SAXO1: variants seen among roughly 807,000 people sequenced by gnomAD.
SAXO1 encodes stabilizer of axonemal microtubules 1.
Under a neutral mutation model 17.5 loss-of-function variants are expected in SAXO1, and 21 were observed. The observed-to-expected ratio is 1.20, with a 90% CI of 0.85 to 1.72. The LOEUF (loss-of-function observed/expected upper bound fraction) is 1.72. SAXO1 is among the 40% of genes most tolerant of loss of function. SAXO1 has a pLI of 0.00. For missense variants in SAXO1, 843 were observed against 596.0 expected, an observed-to-expected ratio of 1.41 and a Z score of -4.32; for synonymous variants, 274 against 216.5, an observed-to-expected ratio of 1.27 and a Z score of -2.33.
chr9:19,026,759 G>A, intron 1 of SAXO1: 1 of 426,610 alleles, frequency 2.3e-6, no homozygotes, highest in Non-Finnish European at 4.4e-6. Context: ...GGCCGGGCGT[G>A]GTAGCTCACA....
At chr9:19,027,976 A>G in intron 1 of SAXO1, 1 of 1,547,114 alleles carries the variant, frequency 6.5e-7, no homozygotes, top group East Asian at 2.3e-5. Context: ...GACCCGCTGC[A>G]CAGATGACTT....
At chr9:19,016,483 G>C (rs774418296) in intron 1 of SAXO1, among the ~76,000 whole-genome samples, 1 of 150,454 alleles carries the variant, frequency 6.6e-6, no homozygotes, top group Non-Finnish European at 1.5e-5. Flanking sequence ...CCCATGGCTT[G>C]AGAATGCCTC....
At chr9:18,937,512 GAATAA>G (rs1164254708) in intron 3 of SAXO1, among the ~76,000 whole-genome samples, 1 of 152,150 alleles carries the variant, frequency 6.6e-6, no homozygotes. Flanking sequence ...TCAATTAATA[GAATAA>G]AAGTATTTGC....
At chr9:18,935,349 A>G (rs1174060207) in intron 3 of SAXO1, among the ~76,000 whole-genome samples, 1 of 152,294 alleles carries the variant, frequency 6.6e-6, no homozygotes, top group South Asian at 2.1e-4. Flanking sequence ...AAACACATAC[A>G]AAGATCAGGC....
chr9:18,951,491 G>T (rs1832038463), intron 1 of SAXO1, among the ~76,000 whole-genome samples: 1 of 152,146 alleles, frequency 6.6e-6, no homozygotes, highest in African/African-American at 2.4e-5. Context: ...CTGACTATGT[G>T]AAACCACTTT....
At chr9:19,040,144 A>G (rs1836043523) in intron 1 of SAXO1, among the ~76,000 whole-genome samples, 1 of 152,230 alleles carries the variant, frequency 6.6e-6, no homozygotes, top group Non-Finnish European at 1.5e-5. Context: ...TGAATGATTT[A>G]TAAGATGCTA....
At chr9:19,020,447 G>T (rs1002471578) in intron 1 of SAXO1, among the ~76,000 whole-genome samples, 15 of 152,026 alleles carry the variant, frequency 9.9e-5, no homozygotes, top group African/African-American at 3.6e-4. Context: ...CGCCTCCAAG[G>T]CTCAAGCCAT....
chr9:18,960,229 G>T (rs1832429688), intron 1 of SAXO1, among the ~76,000 whole-genome samples: 1 of 152,172 alleles, frequency 6.6e-6, no homozygotes, highest in South Asian at 2.1e-4. Context: ...TGGGACGCGT[G>T]GGGTAGGATT....
chr9:18,982,867 G>C (rs1052965637), intron 1 of SAXO1, among the ~76,000 whole-genome samples: 2 of 152,168 alleles, frequency 1.3e-5, no homozygotes, highest in Non-Finnish European at 2.9e-5. Context: ...TACAGTCTTA[G>C]ACTTCAGAGT....
chr9:19,024,168 G>T (rs1026777616), intron 1 of SAXO1, among the ~76,000 whole-genome samples: 1 of 151,566 alleles, frequency 6.6e-6, no homozygotes, highest in East Asian at 1.9e-4. Flanking sequence ...GCAAGCTTCC[G>T]GCACGATCTC....
At chr9:19,045,787 A>C (rs941560225) in intron 1 of SAXO1, among the ~76,000 whole-genome samples, 8 of 152,220 alleles carry the variant, frequency 5.3e-5, no homozygotes, top group Non-Finnish European at 1.0e-4. Flanking sequence ...CAGACAACCA[A>C]TGATCACTGA....
chr9:19,026,306 A>C (rs1015542169), intron 1 of SAXO1, among the ~76,000 whole-genome samples: 1 of 152,202 alleles, frequency 6.6e-6, no homozygotes, highest in African/African-American at 2.4e-5. Context: ...AACACCTAGC[A>C]GTGTCTGATA....
chr9:19,047,906 G>A (rs749171488), intron 1 of SAXO1, among the ~76,000 whole-genome samples: 2 of 152,272 alleles, frequency 1.3e-5, no homozygotes, highest in East Asian at 1.9e-4. Flanking sequence ...AACGGGGAAG[G>A]GAAACCCCAG....
At chr9:18,939,020 G>A (rs1005503758) in intron 3 of SAXO1, among the ~76,000 whole-genome samples, 5 of 151,956 alleles carry the variant, frequency 3.3e-5, no homozygotes, top group Non-Finnish European at 1.5e-5. Context: ...GTGGAAGAGA[G>A]GGAACTGAAC....
intron 1 of SAXO1, among the ~76,000 whole-genome samples, chr9:18,992,947 T>A (rs1016097301): frequency 1.3e-5 from 2 of 151,964 alleles, no homozygotes; most frequent in African/African-American, 4.8e-5. Flanking sequence ...ATTACAAGCA[T>A]GCACCACCAC....
At chr9:18,975,812 C>A (rs1369438932) in intron 1 of SAXO1, among the ~76,000 whole-genome samples, 1 of 152,132 alleles carries the variant, frequency 6.6e-6, no homozygotes, top group African/African-American at 2.4e-5. Flanking sequence ...AAACCCAAGG[C>A]CCAGCAGAAG....
chr9:19,020,182 G>A (rs1835164143), intron 1 of SAXO1, among the ~76,000 whole-genome samples: 1 of 152,066 alleles, frequency 6.6e-6, no homozygotes, highest in African/African-American at 2.4e-5. Context: ...AAACTGTAGT[G>A]AAGTAAAACC....
chr9:18,952,778 T>C (rs534750799), intron 1 of SAXO1, among the ~76,000 whole-genome samples: 2 of 152,366 alleles, frequency 1.3e-5, no homozygotes, highest in African/African-American at 4.8e-5. Flanking sequence ...AATTTCACAG[T>C]GTTAAATACA....
At chr9:18,930,500 C>CTTTTTTTT (rs55974011) in intron 3 of SAXO1, among the ~76,000 whole-genome samples, 2 of 146,360 alleles carry the variant, frequency 1.4e-5, no homozygotes. Context: ...ACTGCTGGAA[C>CTTTTTTTT]TTTTTTTTTT....
Sources: allele counts gnomAD v4.1 joint callset (sites outside exome capture counted in the v4.1 genomes callset), GRCh38; gene constraint gnomAD v4.1.1; transcripts MANE v1.5; gene names NCBI Gene and HGNC (gene_info 2026-07-23, HGNC 2026-07-21).